The following COLEC12 variants were observed in gnomAD, a reference collection of about 807,000 sequenced individuals.
COLEC12 encodes collectin subfamily member 12, also known as collectin-12.
Under a neutral mutation model 71.1 loss-of-function variants are expected in COLEC12, and 33 were observed. The observed-to-expected ratio is 0.46, with a 90% confidence interval of 0.35 to 0.62. The LOEUF (loss-of-function observed/expected upper bound fraction) is 0.62. COLEC12 is among the 20% of genes least tolerant of loss of function. COLEC12 has a pLI of 0.00. For synonymous variants in COLEC12, 350 were observed against 353.0 expected (o/e 0.99, Z 0.10); for missense variants, 765 against 916.1 (o/e 0.84, Z 2.13).
At chr18:363,766 C>A (rs1456011349) in intron 2 of COLEC12, among the ~76,000 whole-genome samples, 1 of 152,114 alleles carries the variant, frequency 6.6e-6, no homozygotes, top group African/African-American at 2.4e-5. Flanking sequence ...CTAGCTTTTC[C>A]TTATGATGAA....
At chr18:462,657 G>A (rs1917005664) in intron 2 of COLEC12, among the ~76,000 whole-genome samples, 1 of 152,180 alleles carries the variant, frequency 6.6e-6, no homozygotes, top group African/African-American at 2.4e-5. Flanking sequence ...CACCTTAAAT[G>A]GGTGAATTTT....
At chr18:361,331 G>C (rs1914738938) in intron 2 of COLEC12, among the ~76,000 whole-genome samples, 1 of 152,156 alleles carries the variant, frequency 6.6e-6, no homozygotes, top group South Asian at 2.1e-4. Flanking sequence ...CTAGGCCATG[G>C]TCCCTCTCTC....
intron 2 of COLEC12, among the ~76,000 whole-genome samples, chr18:435,327 A>G (rs762008237): frequency 6.6e-6 from 1 of 152,176 alleles, no homozygotes; most frequent in Non-Finnish European, 1.5e-5. Context: ...GAAACTTACA[A>G]TCATGGCAGA....
intron 2 of COLEC12, among the ~76,000 whole-genome samples, chr18:359,477 T>A (rs1914697709): frequency 6.6e-6 from 1 of 152,222 alleles, no homozygotes; most frequent in African/African-American, 2.4e-5. Context: ...GCGATTTGAA[T>A]AATGACTGTA....
chr18:471,240 C>T (rs1279428344), intron 2 of COLEC12, among the ~76,000 whole-genome samples: 3 of 152,008 alleles, frequency 2.0e-5, no homozygotes, highest in Non-Finnish European at 4.4e-5. Context: ...AAGCAGAAAG[C>T]GTTTATAGTG....
chr18:432,178 T>G (rs1414040680), intron 2 of COLEC12, among the ~76,000 whole-genome samples: 1 of 152,228 alleles, frequency 6.6e-6, no homozygotes, highest in Non-Finnish European at 1.5e-5. Flanking sequence ...CCACCTTCAT[T>G]AATTAATTCA....
intron 3 of COLEC12, among the ~76,000 whole-genome samples, chr18:350,739 C>T (rs1598334823): frequency 2.0e-5 from 3 of 152,084 alleles, no homozygotes; most frequent in East Asian, 1.9e-4. Flanking sequence ...ACCAGCCTGG[C>T]CAACATGGTG....
At chr18:409,407 G>A (rs564320088) in intron 2 of COLEC12, among the ~76,000 whole-genome samples, 38 of 152,210 alleles carry the variant, frequency 2.5e-4, no homozygotes, top group African/African-American at 6.5e-4. Context: ...GGTGGTGCAC[G>A]CCTGTAATCC....
At chr18:459,965 C>T (rs140294456) in intron 2 of COLEC12, among the ~76,000 whole-genome samples, 159 of 152,106 alleles carry the variant, frequency 1.0e-3, no homozygotes, top group African/African-American at 3.7e-3. Context: ...CCCTGAGGTT[C>T]CTCCTTTAAA....
Position 375,249 on chromosome 18 carries a change from C to T in COLEC12, c.59-17727G>A, listed in dbSNP as rs189249083. Among the ~76,000 whole-genome samples the T allele has an allele frequency of 2.7e-4, 41 of 152,312 alleles. No homozygotes were observed. The South Asian group carries it at 7.5e-3, about 28-fold the overall frequency. On this transcript the variant is annotated intron_variant, in intron 2 of 9. Coordinates refer to ENST00000400256, the MANE Select transcript of COLEC12 (RefSeq NM_130386.3). ...TCCAAAGCTGCCTGCCTTGCTGTTT[C>T]GACTCCAGCCATGCTGGCCTCCTCA... is the stretch of plus-strand genomic sequence containing the variant.
chr18:356,357 G>T (rs942267700), intron 3 of COLEC12, among the ~76,000 whole-genome samples: 1 of 152,138 alleles, frequency 6.6e-6, no homozygotes. Flanking sequence ...CCCTGGCACA[G>T]TAGCAAGCAC....
chr18:446,511 G>A (rs954250740), intron 2 of COLEC12, among the ~76,000 whole-genome samples: 1 of 150,228 alleles, frequency 6.7e-6, no homozygotes, highest in Non-Finnish European at 1.5e-5. Context: ...AGACCAGCCT[G>A]GGCAACATAG....
Position 344,434 on chromosome 18 carries a change from G to C in COLEC12, c.1327+1861C>G, listed in dbSNP as rs567167868. ...GCTCTCCTAGGGGTGAAAGCTCCCA[G>C]GTCCTCAACCCTTCCTCACAGTACG... is the stretch of plus-strand genomic sequence containing the variant. On this transcript the variant is annotated intron_variant, in intron 5 of 9. Transcript: ENST00000400256. Among the ~76,000 whole-genome samples the C allele has an allele frequency of 1.2e-3, 185 of 152,278 alleles. 2 individuals carry two copies. Among genetic ancestry groups the C allele is most frequent in the African/African-American group, 4.2e-3 (173 of 41,538 alleles).
chr18:451,851 G>A (rs1345323004), intron 2 of COLEC12, among the ~76,000 whole-genome samples: 1 of 152,134 alleles, frequency 6.6e-6, no homozygotes, highest in Non-Finnish European at 1.5e-5. Flanking sequence ...GAAAAGAAAA[G>A]ACCATTTCCA....
chr18:362,608 G>C lies in COLEC12; in HGVS notation c.59-5086C>G, dbSNP rs1042918582. On this transcript the variant is annotated intron_variant, in intron 2 of 9. Coordinates refer to ENST00000400256, the MANE Select transcript of COLEC12 (RefSeq NM_130386.3). The surrounding 1 kb of genome is among the most constrained non-coding windows in gnomAD (Gnocchi z 4.6). ...GGGTGGGGGTGGGCAGGGAAGGAAG[G>C]GCTGGGGACTGATATACAGAGTGCT... Among the ~76,000 whole-genome samples, 34 of 152,130 alleles carry C rather than the reference G, an allele frequency of 2.2e-4. No individual in the cohort carries two copies. Among genetic ancestry groups the C allele is most frequent in the African/African-American group, 8.0e-4 (33 of 41,424 alleles).
At chr18:323,852 C>T (rs369801113) in intron 8 of COLEC12, among the ~76,000 whole-genome samples, 20 of 152,166 alleles carry the variant, frequency 1.3e-4, no homozygotes, top group Non-Finnish European at 2.4e-4. Flanking sequence ...TTTCCCCTTG[C>T]GTTTCCTTTT....
chr18:440,400 C>T (rs1567908511), intron 2 of COLEC12, among the ~76,000 whole-genome samples: 1 of 147,498 alleles, frequency 6.8e-6, no homozygotes, highest in Non-Finnish European at 1.5e-5. Flanking sequence ...CACACACACA[C>T]ATACACAGGT....
chr18:473,494 G>A (rs140128111), intron 2 of COLEC12, among the ~76,000 whole-genome samples: 1 of 53,482 alleles, frequency 1.9e-5, no homozygotes, highest in African/African-American at 5.2e-5. Flanking sequence ...TCCCCGAGAA[G>A]CTGGGATTAC....
intron 5 of COLEC12, among the ~76,000 whole-genome samples, chr18:343,517 C>T (rs540368800): frequency 6.6e-6 from 1 of 152,168 alleles, no homozygotes; most frequent in African/African-American, 2.4e-5. Context: ...CTATTCTCCT[C>T]GCAGCCCCCA....
Sources: allele counts gnomAD v4.1 joint callset (sites outside exome capture counted in the v4.1 genomes callset), GRCh38; gene constraint gnomAD v4.1.1; non-coding constraint Gnocchi (gnomAD v3.1); transcripts MANE v1.5; gene names NCBI Gene and HGNC (gene_info 2026-07-23, HGNC 2026-07-21).